The following CDH26 variants were observed in gnomAD, a reference collection of about 807,000 sequenced individuals.
CDH26 encodes the protein cadherin-like protein 26.
CDH26 carries 83 observed loss-of-function variants against 90.3 expected under a neutral mutation model. That is an observed-to-expected ratio of 0.92 (90% CI 0.77 to 1.10). The LOEUF (loss-of-function observed/expected upper bound fraction) is 1.10. Among genes scored for constraint, CDH26 ranks in the 50% least tolerant of loss-of-function variants. The pLI is 0.00. For missense variants in CDH26, 1,013 were observed against 1,037.6 expected, an observed-to-expected ratio of 0.98 and a Z score of 0.33; for synonymous variants, 397 against 396.3, an observed-to-expected ratio of 1.00 and a Z score of -0.02.
chr20:59,980,035 A>G (rs1051044946), intron 4 of CDH26, among the ~76,000 whole-genome samples: 3 of 152,184 alleles, frequency 2.0e-5, no homozygotes, highest in Non-Finnish European at 4.4e-5. Context: ...AGCAATTCCC[A>G]AACGATTTCT....
intron 7 of CDH26, among the ~76,000 whole-genome samples, chr20:60,026,776 T>C (rs1283018157): frequency 2.6e-5 from 4 of 152,258 alleles, no homozygotes; most frequent in African/African-American, 9.6e-5. Flanking sequence ...CCCACACTTC[T>C]GACCTACAGA....
At chr20:60,024,406 A>G (rs1469062606) in intron 7 of CDH26, among the ~76,000 whole-genome samples, 1 of 152,034 alleles carries the variant, frequency 6.6e-6, no homozygotes, top group Non-Finnish European at 1.5e-5. Context: ...GTAGATGATG[A>G]TGGCTGTGTT....
chr20:60,032,901 T>G (rs2062052410), intron 8 of CDH26, among the ~76,000 whole-genome samples: 1 of 149,184 alleles, frequency 6.7e-6, no homozygotes, highest in African/African-American at 2.5e-5. Flanking sequence ...TAATGCTAGA[T>G]GACGAGTTAG....
chr20:59,998,205 G>A (rs1159750310), intron 13 of CDH26, among the ~76,000 whole-genome samples: 1 of 152,194 alleles, frequency 6.6e-6, no homozygotes, highest in Non-Finnish European at 1.5e-5. Flanking sequence ...CAACCATGAA[G>A]GGAAACAGAA....
rs994399746 is a variant in CDH26 at position 59,992,989 on chromosome 20, AAC to A, written c.1426+474_1426+475del. 2.6e-4 allele frequency among the ~76,000 whole-genome samples: 40 copies of A among 152,364 alleles called. No homozygotes were observed. Among genetic ancestry groups the A allele is most frequent in the African/African-American group, 9.4e-4 (39 of 41,588 alleles). ...ACACTCTCCTAAGGCTGAAACTTTA[AAC>A]ACACCAAAGCAGAGTTGAAGAAATA... On this transcript the variant is annotated intron_variant, in intron 10 of 17. Coordinates refer to ENST00000348616, the MANE Select transcript of CDH26 (RefSeq NM_177980.4). This position sits in a 1 kb window ranked among gnomAD's most constrained non-coding sequence, Gnocchi z 5.0.
At chr20:59,974,924 AT>A (rs2061309832) in intron 4 of CDH26, among the ~76,000 whole-genome samples, 1 of 152,054 alleles carries the variant, frequency 6.6e-6, no homozygotes, top group Admixed American at 6.6e-5. Context: ...CCCTCTTAGA[AT>A]GTAGTTCTAA....
intron 3 of CDH26, among the ~76,000 whole-genome samples, chr20:59,970,594 A>C (rs867421106): frequency 2.6e-5 from 4 of 151,596 alleles, no homozygotes; most frequent in Admixed American, 2.6e-4. Flanking sequence ...GCGGATCAGG[A>C]GATCAGGAGA....
At chr20:60,001,311 C>A (rs760900126) in intron 14 of CDH26, 32 bp from the exon 15 acceptor site, 5 of 1,613,074 alleles carry the variant, frequency 3.1e-6, no homozygotes, top group Non-Finnish European at 3.4e-6. Flanking sequence ...GAAATCCATT[C>A]TCTTTTGAGT....
chr20:59,986,352 G>T (rs901666872), intron 7 of CDH26, among the ~76,000 whole-genome samples: 8 of 152,170 alleles, frequency 5.3e-5, no homozygotes, highest in Admixed American at 4.6e-4. Flanking sequence ...TTTGGGATGG[G>T]TGCCCCACCT....
In CDH26 at chr20:60,024,403, A is replaced by T. The variant is rs1375154907; in HGVS notation, c.948-6828A>T. On this transcript the variant is annotated intron_variant, in intron 7 of 8. Transcript: ENST00000370991. ...TGGGATTTGCTCACGTGTGTAGATG[A>T]TGATGGCTGTGTTTATCAGCCTCCA... is the stretch of plus-strand genomic sequence containing the variant. Among the ~76,000 whole-genome samples the T allele has an allele frequency of 2.6e-5, 4 of 152,050 alleles. No homozygotes were observed. In the South Asian group the frequency reaches 8.3e-4, roughly 32 times the overall value.
At position 59,995,956 on chromosome 20, in the gene CDH26, G is replaced by A. The variant is rs1379099143; in HGVS notation, c.1790G>A (p.Cys597Tyr). Residue 597 changes from cysteine to tyrosine, a missense_variant, in exon 12 of 18, where the codon TGT becomes TAT. Coordinates refer to ENST00000348616, the MANE Select transcript of CDH26 (RefSeq NM_177980.4). ...ACTGTCCATGTAAGGATCTGCCCCT[G>A]TGCCAGTGGGCTCACATGTGTGGAG... ...KQTVHVRICPCASGLTCVELA... is the reference protein window; with the variant it reads ...KQTVHVRICPYASGLTCVELA... 1.9e-6 allele frequency: 3 copies of A among 1,614,130 alleles called. No individual in the cohort carries two copies. The highest frequency in any genetic ancestry group is 3.3e-5 in the Admixed American group (2 of 60,004).
intron 10 of CDH26, among the ~76,000 whole-genome samples, chr20:59,993,922 C>G (rs2061559206): frequency 1.3e-5 from 2 of 152,108 alleles, no homozygotes; most frequent in African/African-American, 4.8e-5. Context: ...TGGTGCCCTT[C>G]TTTAGTCACA....
chr20:59,967,934 C>CTTCCT (rs2061188430), intron 1 of CDH26, among the ~76,000 whole-genome samples: 3 of 109,810 alleles, frequency 2.7e-5, no homozygotes, highest in African/African-American at 4.4e-5. Context: ...CTTTCCTTTC[C>CTTCCT]CTTTCTTTCT....
rs776681757 is a variant in CDH26 at position 60,027,235 on chromosome 20, A to G, written c.948-3996A>G. 3.4e-4 allele frequency among the ~76,000 whole-genome samples: 52 copies of G among 152,206 alleles called. 1 individual carries two copies. The highest frequency in any genetic ancestry group is 6.6e-4 in the Non-Finnish European group (45 of 68,018). On this transcript the variant is annotated intron_variant, in intron 7 of 8. Coordinates refer to the CDH26 transcript ENST00000370991. ...ACTGCTTGTATATGGCTCAGGTGAAAAAGAAGGACAGTGGTGGGAGGGTGA... is the reference window on the plus strand; with the variant it reads ...ACTGCTTGTATATGGCTCAGGTGAAGAAGAAGGACAGTGGTGGGAGGGTGA...
rs551306252 is a variant in CDH26 at position 59,994,665 on chromosome 20, G to A, written c.1666+176G>A. ...TGGATATCCTTCCCACACATGGTCT[G>A]CCTTTCTCTAGGTTCCTTCTTTTTT... On this transcript the variant is annotated intron_variant, in intron 11 of 17. Coordinates refer to ENST00000348616, the MANE Select transcript of CDH26 (RefSeq NM_177980.4). 3.7e-4 allele frequency among the ~76,000 whole-genome samples: 56 copies of A among 152,244 alleles called. No individual in the cohort carries two copies. In the South Asian group the frequency reaches 0.011, roughly 30 times the overall value.
At chr20:59,976,117 A>G (rs2061325743) in intron 4 of CDH26, among the ~76,000 whole-genome samples, 1 of 152,180 alleles carries the variant, frequency 6.6e-6, no homozygotes, top group Non-Finnish European at 1.5e-5. Flanking sequence ...AGTCTAACCT[A>G]TGCAGTAGCG....
chr20:59,994,316 C>G lies in CDH26; in HGVS notation c.1493C>G (p.Pro498Arg), dbSNP rs573284211. The change falls in exon 11 of 18, where the codon CCG becomes CGG. Residue 498 changes from proline to arginine, a missense_variant. By Grantham distance (103) the Pro-to-Arg change is moderately radical. Coordinates refer to ENST00000348616, the MANE Select transcript of CDH26 (RefSeq NM_177980.4). ...CTGTCTGACATCAATGACAACGTCC[C>G]GACTCTCCGGCCACGTTCCCGCTAC... ...LFLSDINDNV[P>R]TLRPRSRYME... 11 of 1,613,924 alleles carry G rather than the reference C, an allele frequency of 6.8e-6. No individual in the cohort carries two copies. The highest frequency in any genetic ancestry group is 6.6e-5 in the South Asian group (6 of 91,050).
chr20:60,004,684 T>C (rs548411039), intron 16 of CDH26, among the ~76,000 whole-genome samples: 1 of 145,202 alleles, frequency 6.9e-6, no homozygotes, highest in Admixed American at 7.2e-5. Context: ...GAGAATGGCA[T>C]GAACCTGGGA....
In CDH26 at chr20:60,029,640, C is replaced by T. The variant is rs371269872; in HGVS notation, c.948-1591C>T. On this transcript the variant is annotated intron_variant, in intron 7 of 8. Coordinates refer to the CDH26 transcript ENST00000370991. ...CCTAATGCCCTCCTTCCCCTTGCCT[C>T]CCACCCCGCAACAGGCCCCAGTGTG... is the stretch of plus-strand genomic sequence containing the variant. 8.0e-4 allele frequency among the ~76,000 whole-genome samples: 121 copies of T among 152,106 alleles called. No homozygotes were observed. The South Asian group carries it at 0.025, about 31-fold the overall frequency.
Sources: allele counts gnomAD v4.1 joint callset (sites outside exome capture counted in the v4.1 genomes callset), GRCh38; gene constraint gnomAD v4.1.1; non-coding constraint Gnocchi (gnomAD v3.1); transcripts MANE v1.5; gene names NCBI Gene and HGNC (gene_info 2026-07-23, HGNC 2026-07-21).